Variants in ICMT observed in about 807,000 individuals in gnomAD.
ICMT encodes the protein isoprenylcysteine carboxyl methyltransferase, also known as protein-S-isoprenylcysteine O-methyltransferase.
In ICMT, 10 loss-of-function variants were observed where a neutral mutation model predicts 32.2. That is an observed-to-expected ratio of 0.31 (90% confidence interval 0.19 to 0.53). The LOEUF is 0.53. ICMT is among the 20% of genes least tolerant of loss of function. The pLI is 0.96. For synonymous variants in ICMT, 183 were observed against 158.2 expected, an observed-to-expected ratio of 1.16 and a Z score of -1.18; for missense variants, 265 against 356.9, an observed-to-expected ratio of 0.74 and a Z score of 2.07.
At position 6,225,210 on chromosome 1, in the gene ICMT, C is replaced by T. The variant is rs141918869; in HGVS notation, c.725G>A (p.Arg242Gln). The T allele has an allele frequency of 1.4e-4, 220 of 1,614,034 alleles. No homozygotes were observed. Among genetic ancestry groups the T allele is most frequent in the Non-Finnish European group, 1.7e-4 (198 of 1,180,024 alleles). ...CGVSYALTVW[R>Q]FFRDRTEEEE... ...TTCTTCTGTTCGATCGCGGAAGAAT[C>T]GCCACACTGTCAGGGCATAGCTGAC... The change falls in exon 5 of 5, where the codon CGA (arginine) becomes CAA (glutamine). Residue 242 changes from arginine (R) to glutamine (Q), a missense_variant. This residue lies in a region of ICMT where 166 missense variants were observed against 264.3 expected (regional missense o/e 0.63). Coordinates refer to ENST00000343813, the MANE Select transcript of ICMT (RefSeq NM_012405.4).
intron 2 of ICMT, 42 bp downstream of exon 2, chr1:6,234,844 C>T: frequency 7.1e-7 from 1 of 1,412,360 alleles, no homozygotes; most frequent in Non-Finnish European, 1.0e-6. Flanking sequence ...TCTGATCTGT[C>T]CACCCTCGCC....
chr1:6,225,147 T>A lies in ICMT; in HGVS notation c.788A>T (p.Tyr263Phe). Reference protein sequence around the residue: ...ISLIHFFGEEYLEYKKRVPTG... With the variant: ...ISLIHFFGEEFLEYKKRVPTG... Reference sequence around the variant, plus strand: ...GGGCACCCTCTTCTTATACTCCAGGTACTCCTCTCCAAAAAAGTGAATTAG... The same window carrying A: ...GGGCACCCTCTTCTTATACTCCAGGAACTCCTCTCCAAAAAAGTGAATTAG... The change falls in exon 5 of 5, where the codon TAC becomes TTC. Residue 263 changes from tyrosine (Y) to phenylalanine (F), a missense_variant. By Grantham distance (22) the Tyr-to-Phe change is conservative (BLOSUM62 3). This residue lies in a region of ICMT where 166 missense variants were observed against 264.3 expected (regional missense o/e 0.63). Transcript: ENST00000343813. The A allele has an allele frequency of 6.2e-7, 1 of 1,614,154 alleles. No homozygotes were observed. Among genetic ancestry groups the A allele is most frequent in the Non-Finnish European group, 8.5e-7 (1 of 1,180,034 alleles).
At position 6,234,909 on chromosome 1, in the gene ICMT, C is replaced by G; in HGVS notation, c.261G>C (p.Gln87His). Residue 87 changes from glutamine (Q) to histidine (H), a missense_variant, in exon 2 of 5, where the codon CAG (glutamine) becomes CAC (histidine). Around this residue, in one of 2 missense-constraint regions of ICMT, gnomAD observed 166 missense variants for 264.3 expected, o/e 0.63. Transcript: ENST00000343813. ...ACCAGCCAAAGTGACTCCAAGAAGA[C>G]TGGCTAAAACTTAGCAGCGTGCCGC... is the stretch of plus-strand genomic sequence containing the variant. ...FGCGTLLSFSQSSWSHFGWYM... is the reference protein window; with the variant it reads ...FGCGTLLSFSHSSWSHFGWYM... 2 of 1,613,958 alleles carry G rather than the reference C, an allele frequency of 1.2e-6. No homozygotes were observed. The highest frequency in any genetic ancestry group is 1.7e-6 in the Non-Finnish European group (2 of 1,179,890).
chr1:6,232,402 G>T (rs1035874833), intron 3 of ICMT, among the ~76,000 whole-genome samples: 1 of 152,140 alleles, frequency 6.6e-6, no homozygotes, highest in East Asian at 1.9e-4. Context: ...CACGACCCCC[G>T]GCCACATGCT....
rs1571221397 is a variant in ICMT at position 6,222,969 on chromosome 1, GAGTA to G, written c.*2107_*2110del. 6.6e-6 allele frequency: 1 copy of G among 152,284 alleles called. No homozygotes were observed. The highest frequency in any genetic ancestry group is 2.4e-5 in the African/African-American group (1 of 41,470). The allele number at this position is 152,284 out of a possible 1,614,324, so 9.4% of individuals were successfully genotyped here. ...ATGATTCAACTCAAGTTCCTAAACA[GAGTA>G]AGTGCCAGTTGATGTCCCACCGTGG... On this transcript the variant is annotated 3_prime_UTR_variant, in exon 5 of 5. Coordinates refer to ENST00000343813, the MANE Select transcript of ICMT (RefSeq NM_012405.4).
At position 6,224,816 on chromosome 1, in the gene ICMT, G is replaced by A; in HGVS notation, c.*264C>T. 4.9e-6 allele frequency: 2 copies of A among 412,034 alleles called. No homozygotes were observed. The highest frequency in any genetic ancestry group is 4.4e-5 in the East Asian group (1 of 22,588). The allele number at this position is 412,034 out of a possible 1,614,324, so 25.5% of individuals were successfully genotyped here. A position where few individuals can be genotyped will look rare whatever the true frequency, so the allele number is the denominator to read the frequency against. On this transcript the variant is annotated 3_prime_UTR_variant, in exon 5 of 5. Coordinates refer to ENST00000343813, the MANE Select transcript of ICMT (RefSeq NM_012405.4). ...CCTCGGTCCTCCCCAGGTAACTCTG[G>A]AGGGCGCTGTGGAATATTGCTGTGA...
At chr1:6,225,306 G>A (rs1557600549) in intron 4 of ICMT, 44 bp from the exon 5 acceptor site, 5 of 1,576,556 alleles carry the variant, frequency 3.2e-6, no homozygotes, top group African/African-American at 1.3e-5. Context: ...ACCGTGGGAT[G>A]ACGCCCTGTG....
chr1:6,234,832 C>A, intron 2 of ICMT, 54 bp downstream of exon 2: 1 of 1,293,632 alleles, frequency 7.7e-7, no homozygotes, highest in Non-Finnish European at 1.1e-6. Flanking sequence ...CGCTACAGAC[C>A]CTCTGATCTG....
intron 2 of ICMT, 134 bp from the exon 3 acceptor site, chr1:6,233,777 C>A (rs958943040): frequency 1.5e-6 from 1 of 660,678 alleles, no homozygotes; most frequent in South Asian, 2.1e-5. Flanking sequence ...GACACAGGTA[C>A]CCATCTGCAG....
chr1:6,235,890 C>A lies in ICMT; in HGVS notation c.22G>T (p.Ala8Ser). 1 of 1,131,000 alleles carries A rather than the reference C, an allele frequency of 8.8e-7. No homozygotes were observed. The highest frequency in any genetic ancestry group is 4.7e-5 in the East Asian group (1 of 21,154). The allele number at this position is 1,131,000 out of a possible 1,614,324, so 70.1% of individuals were successfully genotyped here. ...AGACGCGCCTCAGAGCCCGGCGGAG[C>A]CCGCGCCGCGCAGCCCGCCATGGCG... is the stretch of plus-strand genomic sequence containing the variant. MAGCAARAPPGSEARLSL... is the reference protein window; with the variant it reads MAGCAARSPPGSEARLSL... The change falls in exon 1 of 5, where the codon GCT becomes TCT. Residue 8 changes from alanine (A) to serine (S), a missense_variant. Ala to Ser is a moderately conservative substitution (Grantham distance 99). This residue lies in a region of ICMT where 99 missense variants were observed against 92.6 expected (regional missense o/e 1.07). Transcript: ENST00000343813.
rs1668540651 is a variant in ICMT at position 6,221,245 on chromosome 1, T to C, written c.*3835A>G. The C allele has an allele frequency of 6.6e-6, 1 of 152,608 alleles. No individual in the cohort carries two copies. The highest frequency in any genetic ancestry group is 2.4e-5 in the African/African-American group (1 of 41,448). The allele number at this position is 152,608 out of a possible 1,614,324, so 9.5% of individuals were successfully genotyped here. On this transcript the variant is annotated 3_prime_UTR_variant, in exon 5 of 5. Coordinates refer to ENST00000343813, the MANE Select transcript of ICMT (RefSeq NM_012405.4). ...TAAGAACTGGAAAGAATAATCAGTATCTGTGAAAGAAAATCCAATTTAGAA... is the reference window on the plus strand; with the variant it reads ...TAAGAACTGGAAAGAATAATCAGTACCTGTGAAAGAAAATCCAATTTAGAA...
At position 6,221,942 on chromosome 1, in the gene ICMT, C is replaced by A. The variant is rs1668560890; in HGVS notation, c.*3138G>T. ...TAAAACCTGCAATGGAAAAATAAAT[C>A]TCTTGACAGTTTTTTAAATCGAGAA... On this transcript the variant is annotated 3_prime_UTR_variant, in exon 5 of 5. Transcript: ENST00000343813. The A allele has an allele frequency of 6.6e-6, 1 of 152,254 alleles. No homozygotes were observed. The highest frequency in any genetic ancestry group is 2.4e-5 in the African/African-American group (1 of 41,458). 9.4% of individuals were successfully genotyped at this position (152,254 alleles called of 1,614,324 possible). A position where few individuals can be genotyped will look rare whatever the true frequency, so the allele number is the denominator to read the frequency against.
At chr1:6,233,451 A>G in intron 3 of ICMT, 23 bp downstream of exon 3, 1 of 1,603,586 alleles carries the variant, frequency 6.2e-7, no homozygotes, top group Non-Finnish European at 8.5e-7. Flanking sequence ...TCCCCTCCAG[A>G]GGGGGACATA....
chr1:6,226,182 G>C (rs1668642864), intron 4 of ICMT, among the ~76,000 whole-genome samples: 1 of 152,136 alleles, frequency 6.6e-6, no homozygotes, highest in African/African-American at 2.4e-5. Context: ...GATCACCTGA[G>C]GTCAGGAGCT....
intron 4 of ICMT, among the ~76,000 whole-genome samples, chr1:6,227,622 G>A (rs1170563630): frequency 2.0e-5 from 3 of 152,216 alleles, no homozygotes; most frequent in Non-Finnish European, 4.4e-5. Flanking sequence ...TTGGGAGACT[G>A]AGGCAAGTGG....
intron 3 of ICMT, 105 bp downstream of exon 3, chr1:6,233,369 T>C (rs1668767050): frequency 1.1e-5 from 11 of 1,032,052 alleles, no homozygotes; most frequent in Non-Finnish European, 1.6e-5. Context: ...CTGCGGAAAA[T>C]CGCTTGGGGG....
chr1:6,231,749 TATTA>T lies in ICMT; in HGVS notation c.672+149_672+152del, dbSNP rs1458638269. Among the ~76,000 whole-genome samples the T allele has an allele frequency of 1.9e-4, 29 of 151,996 alleles. 2 individuals are homozygous for T. Among genetic ancestry groups the T allele is most frequent in the Admixed American group, 9.8e-4 (15 of 15,248 alleles). ...AAACGCGCCAAGAAGAACATGTACC[TATTA>T]TTTAAAGGAGACCAACAACCTCATG... On this transcript the variant is annotated intron_variant, in intron 4 of 4. Coordinates refer to ENST00000343813, the MANE Select transcript of ICMT (RefSeq NM_012405.4).
intron 4 of ICMT, among the ~76,000 whole-genome samples, chr1:6,225,919 A>C (rs1158029620): frequency 6.6e-6 from 1 of 151,204 alleles, no homozygotes; most frequent in Non-Finnish European, 1.5e-5. Context: ...CAGTGGCGTG[A>C]TCATGGCTCA....
rs1668621588 is a variant in ICMT at position 6,224,959 on chromosome 1, A to G, written c.*121T>C. ...ACCGCTTGGTCTTGAGTGACATTCC[A>G]GAAGAGTGACTAATGACATAAAACG... On this transcript the variant is annotated 3_prime_UTR_variant, in exon 5 of 5. Coordinates refer to ENST00000343813, the MANE Select transcript of ICMT (RefSeq NM_012405.4). The G allele has an allele frequency of 1.1e-6, 1 of 931,774 alleles. No individual in the cohort carries two copies. Among genetic ancestry groups the G allele is most frequent in the Non-Finnish European group, 1.6e-6 (1 of 609,848 alleles). The allele number at this position is 931,774 out of a possible 1,614,324, so 57.7% of individuals were successfully genotyped here. A position where few individuals can be genotyped will look rare whatever the true frequency, so the allele number is the denominator to read the frequency against.
Sources: gnomAD v4.1 joint callset for allele counts (sites outside exome capture counted in the v4.1 genomes callset) on GRCh38, gnomAD v4.1.1 for gene constraint, gnomAD v4.1.1 regional missense constraint, MANE v1.5 for transcripts, NCBI Gene and HGNC (gene_info 2026-07-23, HGNC 2026-07-21) for gene names.